Variants in GRIK2 observed in about 807,000 individuals in gnomAD.
GRIK2 encodes the protein glutamate ionotropic receptor kainate type subunit 2.
GRIK2 carries 32 observed loss-of-function variants against 100.3 expected under a neutral mutation model. The ratio of observed to expected loss-of-function variants is 0.32; its 90% CI spans 0.24 to 0.43. The LOEUF (loss-of-function observed/expected upper bound fraction) is 0.43. Ranked by LOEUF, GRIK2 falls within the 20% of genes least tolerant of loss-of-function variation. The pLI, the probability that GRIK2 is intolerant of heterozygous loss-of-function variation, is 1.00. For missense variants in GRIK2, 843 were observed against 1,114.9 expected (o/e 0.76, Z 3.47); for synonymous variants, 417 against 389.4 (o/e 1.07, Z -0.83).
At chr6:101,725,214 G>T (rs1672985386) in intron 7 of GRIK2, among the ~76,000 whole-genome samples, 1 of 151,952 alleles carries the variant, frequency 6.6e-6, no homozygotes. Flanking sequence ...TCTTTCCCTA[G>T]TTCTTGTACC....
chr6:101,441,706 GTTTGGTGTACAGATAA>G (rs1460085796), intron 2 of GRIK2, among the ~76,000 whole-genome samples: 1 of 152,028 alleles, frequency 6.6e-6, no homozygotes, highest in Non-Finnish European at 1.5e-5. Flanking sequence ...CATGTATGGG[GTTTGGTGTACAGATAA>G]TTTTGTCATC....
intron 4 of GRIK2, among the ~76,000 whole-genome samples, chr6:101,643,364 G>T (rs1402628020): frequency 6.6e-6 from 1 of 151,158 alleles, no homozygotes; most frequent in Non-Finnish European, 1.5e-5. Flanking sequence ...TTACATTTAG[G>T]TTTTTTATGT....
chr6:101,528,680 A>G (rs1446938132), intron 2 of GRIK2, among the ~76,000 whole-genome samples: 1 of 152,178 alleles, frequency 6.6e-6, no homozygotes, highest in Non-Finnish European at 1.5e-5. Context: ...CTAGTGTTCA[A>G]TTAGAACTGA....
intron 2 of GRIK2, among the ~76,000 whole-genome samples, chr6:101,441,627 C>A (rs921564026): frequency 6.6e-6 from 1 of 152,044 alleles, no homozygotes; most frequent in Non-Finnish European, 1.5e-5. Context: ...TTTATGGCCT[C>A]ATTTTTTTCT....
At chr6:101,565,960 A>G (rs1013843422) in intron 2 of GRIK2, among the ~76,000 whole-genome samples, 3 of 128,236 alleles carry the variant, frequency 2.3e-5, no homozygotes, top group Non-Finnish European at 3.2e-5. Context: ...TATATATATA[A>G]GCAAACTAGA....
intron 2 of GRIK2, among the ~76,000 whole-genome samples, chr6:101,506,164 G>A (rs1310542662): frequency 6.6e-6 from 1 of 152,134 alleles, no homozygotes; most frequent in African/African-American, 2.4e-5. Flanking sequence ...AGCCCAGGGA[G>A]TCTGGCTTTA....
intron 2 of GRIK2, among the ~76,000 whole-genome samples, chr6:101,595,954 AATT>A (rs1466205784): frequency 1.6e-5 from 2 of 126,042 alleles, no homozygotes; most frequent in Admixed American, 8.3e-5. Flanking sequence ...AATTCATTAA[AATT>A]TTTTTTTTTT....
Position 101,994,062 on chromosome 6 carries a change from A to G in GRIK2, c.2086-41279A>G, listed in dbSNP as rs1401263378. Among the ~76,000 whole-genome samples the G allele has an allele frequency of 2.0e-5, 3 of 149,488 alleles. No individual in the cohort carries two copies. In the Admixed American group the frequency reaches 2.0e-4, roughly 10 times the overall value. ...AGATATATACATTAATATACATTATATACAAATACATACATTATAAATGAA... is the reference window on the plus strand; with the variant it reads ...AGATATATACATTAATATACATTATGTACAAATACATACATTATAAATGAA... On this transcript the variant is annotated intron_variant, in intron 14 of 16. Coordinates refer to ENST00000369134, the MANE Select transcript of GRIK2 (RefSeq NM_021956.5).
intron 14 of GRIK2, among the ~76,000 whole-genome samples, chr6:101,984,390 G>A (rs1793894463): frequency 6.6e-6 from 1 of 151,528 alleles, no homozygotes. Flanking sequence ...ATAAGTGTCT[G>A]ACAAGGAAAG....
At chr6:101,957,688 T>C (rs1792025339) in intron 14 of GRIK2, among the ~76,000 whole-genome samples, 1 of 152,060 alleles carries the variant, frequency 6.6e-6, no homozygotes, top group African/African-American at 2.4e-5. Context: ...ATTTAATTCA[T>C]CTTGAGTTAA....
chr6:101,771,519 TTTTA>T (rs1218376303), intron 7 of GRIK2, among the ~76,000 whole-genome samples: 2 of 151,238 alleles, frequency 1.3e-5, no homozygotes, highest in Non-Finnish European at 3.0e-5. Context: ...TTTATTTTAT[TTTTA>T]TTTATTATTA....
intron 7 of GRIK2, chr6:101,744,519 C>CGT (rs1776262389): frequency 2.6e-5 from 2 of 75,578 alleles, no homozygotes; most frequent in African/African-American, 5.7e-5. Flanking sequence ...TGTGTGCGTG[C>CGT]GCGCATATAT....
At chr6:101,503,327 C>T (rs558702264) in intron 2 of GRIK2, among the ~76,000 whole-genome samples, 5 of 152,154 alleles carry the variant, frequency 3.3e-5, no homozygotes, top group Admixed American at 6.5e-5. Flanking sequence ...GTGTAGACTA[C>T]TCCTTTTCAA....
At chr6:101,862,960 T>C (rs981843471) in intron 11 of GRIK2, among the ~76,000 whole-genome samples, 1 of 152,196 alleles carries the variant, frequency 6.6e-6, no homozygotes, top group Non-Finnish European at 1.5e-5. Flanking sequence ...TGGTTAGCTA[T>C]AAAAAGTTGA....
At chr6:101,816,797 C>T (rs1023787517) in intron 9 of GRIK2, among the ~76,000 whole-genome samples, 1 of 152,098 alleles carries the variant, frequency 6.6e-6, no homozygotes, top group Non-Finnish European at 1.5e-5. Context: ...CTACCCAGGT[C>T]CCCAGCAGGC....
chr6:101,740,343 A>G (rs924507743), intron 7 of GRIK2, among the ~76,000 whole-genome samples: 1 of 152,206 alleles, frequency 6.6e-6, no homozygotes, highest in Non-Finnish European at 1.5e-5. Flanking sequence ...GAAGTAACAT[A>G]TAGGAAGGTT....
chr6:101,760,237 T>C (rs1395103476), intron 7 of GRIK2, among the ~76,000 whole-genome samples: 4 of 145,342 alleles, frequency 2.8e-5, no homozygotes, highest in African/African-American at 7.7e-5. Context: ...ATGAAATACC[T>C]GTGAAAGTTT....
At chr6:101,766,619 T>C (rs1778059125) in intron 7 of GRIK2, among the ~76,000 whole-genome samples, 2 of 152,310 alleles carry the variant, frequency 1.3e-5, no homozygotes, top group South Asian at 4.1e-4. Flanking sequence ...ACAGCATGTC[T>C]TTATGGCCAA....
chr6:101,481,410 G>A (rs2252682), intron 2 of GRIK2, among the ~76,000 whole-genome samples: 33,548 of 151,936 alleles, frequency 0.22, 4,193 homozygotes, highest in East Asian at 0.31. Context: ...AGTGTGGAGT[G>A]TATCCATGGA....
Sources: gnomAD v4.1 joint callset for allele counts (sites outside exome capture counted in the v4.1 genomes callset) on GRCh38, gnomAD v4.1.1 for gene constraint, MANE v1.5 for transcripts, NCBI Gene and HGNC (gene_info 2026-07-23, HGNC 2026-07-21) for gene names.